The following NCOA4 variants were observed in gnomAD, a reference collection of about 807,000 sequenced individuals.
NCOA4 encodes 70 kDa AR-activator.
NCOA4 carries 31 observed loss-of-function variants against 69.5 expected under a neutral mutation model. That is an observed-to-expected ratio of 0.45 (90% confidence interval 0.34 to 0.60). The LOEUF (loss-of-function observed/expected upper bound fraction) is 0.60. NCOA4 is among the 20% of genes least tolerant of loss of function. The pLI is 0.02. For synonymous variants in NCOA4, 228 were observed against 252.4 expected, an observed-to-expected ratio of 0.90 and a Z score of 0.92; for missense variants, 600 against 719.2, an observed-to-expected ratio of 0.83 and a Z score of 1.90.
chr10:46,016,709 A>T lies in NCOA4; in HGVS notation c.-14-15T>A, dbSNP rs781937950. 10 of 1,386,742 alleles carry T rather than the reference A, an allele frequency of 7.2e-6. No homozygotes were observed. The South Asian group carries it at 1.2e-4, about 16-fold the overall frequency. The allele number at this position is 1,386,742 out of a possible 1,614,324, so 85.9% of individuals were successfully genotyped here. A position where few individuals can be genotyped will look rare whatever the true frequency, so the allele number is the denominator to read the frequency against. On this transcript the variant is annotated splice_polypyrimidine_tract_variant and intron_variant, in intron 1 of 9. Transcript: ENST00000581486. ...CCTCACTGCTCCTTTAAAAGAAAAAAATATATATAAATAGCACCATAATTA... is the reference window on the plus strand; with the variant it reads ...CCTCACTGCTCCTTTAAAAGAAAAATATATATATAAATAGCACCATAATTA...
chr10:46,011,306 C>T lies in NCOA4; in HGVS notation c.715-100G>A, dbSNP rs541668703. Reference sequence around the variant, plus strand: ...TTTTTTTGAGACAGTCTCACTCTGTCGCCCAGGCTGGAGTGCGGTGGCACA... The same window carrying T: ...TTTTTTTGAGACAGTCTCACTCTGTTGCCCAGGCTGGAGTGCGGTGGCACA... On this transcript the variant is annotated intron_variant, in intron 7 of 9. Transcript: ENST00000581486. The T allele has an allele frequency of 8.1e-5, 102 of 1,261,058 alleles. 5 individuals are homozygous for T. In the South Asian group the frequency reaches 1.5e-3, roughly 18 times the overall value. 78.1% of individuals were successfully genotyped at this position (1,261,058 alleles called of 1,614,324 possible). A position where few individuals can be genotyped will look rare whatever the true frequency, so the allele number is the denominator to read the frequency against.
At chr10:46,015,982 A>G (rs1554923103) in intron 2 of NCOA4, among the ~76,000 whole-genome samples, 1 of 152,240 alleles carries the variant, frequency 6.6e-6, no homozygotes, top group Non-Finnish European at 1.5e-5. Flanking sequence ...AAGAAACTGT[A>G]TTTTAAAACA....
intron 4 of NCOA4, 54 bp downstream of exon 4, chr10:46,014,800 T>C: frequency 7.0e-7 from 1 of 1,433,174 alleles, no homozygotes; most frequent in Admixed American, 1.9e-5. Flanking sequence ...GACTTTCTTT[T>C]AGTATACCAA....
In NCOA4 at chr10:46,010,590, A is replaced by G. The variant is rs1554921047; in HGVS notation, c.1331T>C (p.Val444Ala). 4 of 1,614,084 alleles carry G rather than the reference A, an allele frequency of 2.5e-6. No homozygotes were observed. Among genetic ancestry groups the G allele is most frequent in the Non-Finnish European group, 3.4e-6 (4 of 1,180,050 alleles). The change falls in exon 8 of 10, where the codon GTG becomes GCG. Residue 444 changes from valine to alanine, a missense_variant. Physicochemically the swap from Val to Ala is moderately conservative, Grantham distance 64. Transcript: ENST00000581486. ...KEGKDKNGMP[V>A]EPKPEPEKHK... ...CTTCTCAGGCTCAGGTTTGGGTTCC[A>G]CAGGCATCCCATTTTTATCCTTTCC... is the stretch of plus-strand genomic sequence containing the variant.
At chr10:46,010,177 A>C (rs561413624) in intron 8 of NCOA4, 46 bp downstream of exon 8, 1 of 1,536,000 alleles carries the variant, frequency 6.5e-7, no homozygotes, top group Admixed American at 2.2e-5. Flanking sequence ...ATAAATGAAT[A>C]AATAAATAAA....
At chr10:46,021,082 T>C in intron 1 of NCOA4, among the ~76,000 whole-genome samples, 1 of 152,352 alleles carries the variant, frequency 6.6e-6, no homozygotes, top group Non-Finnish European at 1.5e-5. Context: ...ATGCCATGCT[T>C]ACACAATGCT....
At chr10:46,016,914 A>G (rs1554923395) in intron 1 of NCOA4, among the ~76,000 whole-genome samples, 1 of 152,214 alleles carries the variant, frequency 6.6e-6, no homozygotes, top group African/African-American at 2.4e-5. Flanking sequence ...TACTTTAGTG[A>G]CACTTTACAT....
chr10:46,025,090 C>T (rs1450193085), intron 1 of NCOA4, among the ~76,000 whole-genome samples: 1 of 152,128 alleles, frequency 6.6e-6, no homozygotes, highest in Non-Finnish European at 1.5e-5. Context: ...ATGCCAGTAC[C>T]ATGGCTCAGT....
At chr10:46,008,859 C>T (rs530960308) in intron 9 of NCOA4, among the ~76,000 whole-genome samples, 162 of 152,334 alleles carry the variant, frequency 1.1e-3, no homozygotes, top group African/African-American at 3.5e-3. Context: ...CCTAATCAGT[C>T]AGCAGTAATC....
intron 1 of NCOA4, among the ~76,000 whole-genome samples, chr10:46,026,252 G>A (rs539100344): frequency 6.6e-6 from 1 of 152,308 alleles, no homozygotes; most frequent in East Asian, 1.9e-4. Flanking sequence ...GCTGGCAAGG[G>A]TGTTGCCACT....
At chr10:46,017,096 G>T (rs190606901) in intron 1 of NCOA4, among the ~76,000 whole-genome samples, 1 of 152,220 alleles carries the variant, frequency 6.6e-6, no homozygotes, top group African/African-American at 2.4e-5. Context: ...AAAAGGTACA[G>T]AAGGATCTTT....
At chr10:46,020,225 T>A (rs1238501978) in intron 1 of NCOA4, among the ~76,000 whole-genome samples, 3 of 152,228 alleles carry the variant, frequency 2.0e-5, no homozygotes, top group African/African-American at 7.2e-5. Context: ...GTAGCAAGCA[T>A]GACCGTTAAG....
At chr10:46,010,135 T>C in intron 8 of NCOA4, 88 bp downstream of exon 8, 12 of 1,471,564 alleles carry the variant, frequency 8.2e-6, no homozygotes, top group Non-Finnish European at 1.1e-5. Context: ...ACCACTGCAC[T>C]CCAGCCTGAG....
At chr10:46,010,189 C>T (rs782199546) in intron 8 of NCOA4, 34 bp downstream of exon 8, 1 of 1,552,282 alleles carries the variant, frequency 6.4e-7, no homozygotes, top group Non-Finnish European at 8.7e-7. Flanking sequence ...ATAAATAAAA[C>T]TCAAACCAGT....
rs1590142919 is a variant in NCOA4, at chr10:46,006,342, T to G, written c.*250A>C. The G allele has an allele frequency of 3.8e-6, 2 of 521,924 alleles. No individual in the cohort carries two copies. The highest frequency in any genetic ancestry group is 2.9e-5 in the East Asian group (1 of 34,750). The allele number at this position is 521,924 out of a possible 1,614,324, so 32.3% of individuals were successfully genotyped here. ...CCACAAAGATGCTGCATTTCTAGTG[T>G]GGGGTGAATTAAAATACTTCTGTAA... On this transcript the variant is annotated 3_prime_UTR_variant, in exon 10 of 10. Transcript: ENST00000581486.
intron 7 of NCOA4, among the ~76,000 whole-genome samples, chr10:46,012,091 A>AAAAAAAAAAAAAAC (rs1839261242): frequency 1.3e-5 from 2 of 148,256 alleles, no homozygotes; most frequent in African/African-American, 2.5e-5. Context: ...AAAAAAAAAA[A>AAAAAAAAAAAAAAC]AAAAAAAAAA....
In NCOA4 at chr10:46,005,265, A is replaced by G. The variant is rs1282083761; in HGVS notation, c.*1327T>C. The G allele has an allele frequency of 4.7e-6, 1 of 214,186 alleles. No individual in the cohort carries two copies. Among genetic ancestry groups the G allele is most frequent in the Non-Finnish European group, 9.5e-6 (1 of 105,720 alleles). 13.3% of individuals were successfully genotyped at this position (214,186 alleles called of 1,614,324 possible). On this transcript the variant is annotated 3_prime_UTR_variant, in exon 10 of 10. Transcript: ENST00000581486. ...CAAGATAACTGGAAAGGCTCCTTAC[A>G]TTGTTTTTGCCCACCACCTTTATAT... is the stretch of plus-strand genomic sequence containing the variant.
At chr10:46,011,311 A>C (rs1300453085) in intron 7 of NCOA4, 105 bp from the exon 8 acceptor site, 7 of 1,175,994 alleles carry the variant, frequency 6.0e-6, no homozygotes, top group Middle Eastern at 2.5e-4. Flanking sequence ...TCTGTCGCCC[A>C]GGCTGGAGTG....
At chr10:46,014,706 TATA>T (rs1383945409) in intron 4 of NCOA4, 145 bp downstream of exon 4, 10 of 772,292 alleles carry the variant, frequency 1.3e-5, no homozygotes, top group African/African-American at 3.5e-5. Context: ...TATCAGCAAG[TATA>T]ATATTAAATA....
Sources: gnomAD v4.1 joint callset for allele counts (sites outside exome capture counted in the v4.1 genomes callset) on GRCh38, gnomAD v4.1.1 for gene constraint, MANE v1.5 for transcripts, NCBI Gene and HGNC (gene_info 2026-07-23, HGNC 2026-07-21) for gene names.